TOMM34: variants seen among roughly 807,000 people sequenced by gnomAD.
The protein encoded by TOMM34 is translocase of outer mitochondrial membrane 34.
TOMM34 carries 24 observed loss-of-function variants against 37.4 expected under a neutral mutation model. The observed-to-expected ratio is 0.64, with a 90% CI of 0.46 to 0.90. The LOEUF (loss-of-function observed/expected upper bound fraction) is 0.90, where lower values mean the gene tolerates loss of function less well. Among genes scored for constraint, TOMM34 ranks in the 40% least tolerant of loss-of-function variants. The pLI is 0.00. For synonymous variants in TOMM34, 154 were observed against 148.9 expected (o/e 1.03, Z -0.25); for missense variants, 304 against 375.6 (o/e 0.81, Z 1.58).
chr20:44,957,679 G>A (rs756228478), intron 1 of TOMM34, among the ~76,000 whole-genome samples: 4 of 152,054 alleles, frequency 2.6e-5, no homozygotes, highest in Non-Finnish European at 5.9e-5. Flanking sequence ...GTCTCCCTCT[G>A]TTGCCCAGGC....
intron 1 of TOMM34, among the ~76,000 whole-genome samples, chr20:44,959,539 T>C (rs746321618): frequency 6.6e-6 from 1 of 152,162 alleles, no homozygotes; most frequent in African/African-American, 2.4e-5. Flanking sequence ...CCTTCCTAAC[T>C]GACCTCATGT....
At chr20:44,943,371 CT>C in intron 6 of TOMM34, 81 bp downstream of exon 6, 1 of 1,603,950 alleles carries the variant, frequency 6.2e-7, no homozygotes, top group Non-Finnish European at 8.5e-7. Context: ...ATTGTCTCAG[CT>C]TGGCTACACC....
intron 1 of TOMM34, among the ~76,000 whole-genome samples, chr20:44,957,193 C>G (rs149264064): frequency 6.6e-6 from 1 of 152,136 alleles, no homozygotes; most frequent in Non-Finnish European, 1.5e-5. Context: ...TCTTTATTTA[C>G]GTATTTTTTT....
intron 5 of TOMM34, among the ~76,000 whole-genome samples, chr20:44,945,755 C>T (rs570043238): frequency 6.6e-6 from 1 of 152,220 alleles, no homozygotes; most frequent in Non-Finnish European, 1.5e-5. Context: ...GAGAACTGCC[C>T]TTCCCTAATT....
In TOMM34 at chr20:44,943,124, C is replaced by T; in HGVS notation, c.915G>A (p.Lys305=). 2 of 1,614,146 alleles carry T rather than the reference C, an allele frequency of 1.2e-6. No homozygotes were observed. The highest frequency in any genetic ancestry group is 1.7e-5 in the Admixed American group (1 of 60,034). ...TGTTGGGTTTTTAGTGTAGGTTCTG[C>T]TTCACTTCCTGCCGCAACTTCTGTG... is the stretch of plus-strand genomic sequence containing the variant. ...GPAQKLRQEV[K]QNLH is the part of the protein sequence containing the mutation. The change falls in exon 7 of 7, where the codon AAG becomes AAA. Residue 305 remains lysine, a synonymous_variant. Transcript: ENST00000372813.
chr20:44,949,613 A>G (rs1568660838), intron 4 of TOMM34, among the ~76,000 whole-genome samples: 1 of 152,216 alleles, frequency 6.6e-6, no homozygotes, highest in Non-Finnish European at 1.5e-5. Context: ...TCTGCTTTTC[A>G]AAAATTTTTA....
In TOMM34 at chr20:44,959,942, A is replaced by G. The variant is rs562157106; in HGVS notation, c.127+265T>C. The G allele has an allele frequency of 1.1e-4, 105 of 985,466 alleles. No homozygotes were observed. In the African/African-American group the frequency reaches 1.7e-3, roughly 16 times the overall value. 61.0% of individuals were successfully genotyped at this position (985,466 alleles called of 1,614,324 possible). A position where few individuals can be genotyped will look rare whatever the true frequency, so the allele number is the denominator to read the frequency against. ...CTACTCAACAAATACTAACTGAAAA[A>G]TGAATTGCTGCGGGGGAGGAGGGTT... On this transcript the variant is annotated intron_variant, in intron 1 of 6. Coordinates refer to ENST00000372813, the MANE Select transcript of TOMM34 (RefSeq NM_006809.5).
At chr20:44,955,689 C>A in intron 2 of TOMM34, 1 of 455,784 alleles carries the variant, frequency 2.2e-6, no homozygotes, top group South Asian at 1.6e-5. Context: ...AACCGTACCC[C>A]ACAGATTGGT....
chr20:44,957,194 G>A (rs746738618), intron 1 of TOMM34, among the ~76,000 whole-genome samples: 4 of 152,094 alleles, frequency 2.6e-5, no homozygotes, highest in South Asian at 2.1e-4. Context: ...CTTTATTTAC[G>A]TATTTTTTTT....
intron 4 of TOMM34, among the ~76,000 whole-genome samples, chr20:44,950,171 C>T (rs1278896830): frequency 2.0e-5 from 3 of 152,226 alleles, no homozygotes; most frequent in Non-Finnish European, 4.4e-5. Flanking sequence ...CCCTGCAACA[C>T]ACCACTCTGC....
In TOMM34 at chr20:44,943,058, T is replaced by C; in HGVS notation, c.*51A>G. The C allele has an allele frequency of 6.3e-7, 1 of 1,592,092 alleles. No individual in the cohort carries two copies. Among genetic ancestry groups the C allele is most frequent in the South Asian group, 1.1e-5 (1 of 90,530 alleles). Reference sequence around the variant, plus strand: ...GAGCGGGCACAGAGCAGGTGGCCCATGGCTTCTCTGGGTAAGGTCAGGCAG... The same window carrying C: ...GAGCGGGCACAGAGCAGGTGGCCCACGGCTTCTCTGGGTAAGGTCAGGCAG... On this transcript the variant is annotated 3_prime_UTR_variant, in exon 7 of 7. Transcript: ENST00000372813.
At position 44,953,674 on chromosome 20, in the gene TOMM34, C is replaced by CT. The variant is rs553105054; in HGVS notation, c.380+1393dup. Among the ~76,000 whole-genome samples the CT allele has an allele frequency of 1.2e-4, 18 of 152,296 alleles. No homozygotes were observed. In the South Asian group the frequency reaches 3.5e-3, roughly 30 times the overall value. ...TCACCTCCGACTGAATGTCAATAAT[C>CT]TGAGTGTCTTCTTCTATTCCTCCCT... On this transcript the variant is annotated intron_variant, in intron 3 of 6. Coordinates refer to ENST00000372813, the MANE Select transcript of TOMM34 (RefSeq NM_006809.5).
chr20:44,952,142 C>T (rs2067032353), intron 3 of TOMM34, 140 bp from the exon 4 acceptor site: 1 of 930,640 alleles, frequency 1.1e-6, no homozygotes. Flanking sequence ...ACCTCTTTAG[C>T]TCCTCCAACA....
chr20:44,950,685 G>C (rs1296074001), intron 4 of TOMM34, among the ~76,000 whole-genome samples: 1 of 152,216 alleles, frequency 6.6e-6, no homozygotes, highest in Non-Finnish European at 1.5e-5. Context: ...AGAGAAGAGT[G>C]GGGAACACTT....
intron 1 of TOMM34, among the ~76,000 whole-genome samples, chr20:44,957,823 T>C (rs2067087141): frequency 6.6e-6 from 1 of 152,086 alleles, no homozygotes; most frequent in Admixed American, 6.6e-5. Context: ...TTAAAGTTTT[T>C]GTAGAGACAG....
intron 1 of TOMM34, 94 bp downstream of exon 1, chr20:44,960,113 C>A (rs1441451278): frequency 5.4e-5 from 34 of 631,934 alleles, no homozygotes; most frequent in Non-Finnish European, 7.8e-5. Context: ...GTGGGAGGGC[C>A]GGGCAGGACT....
intron 2 of TOMM34, chr20:44,955,555 A>T (rs2067064877): frequency 6.3e-6 from 3 of 473,984 alleles, no homozygotes; most frequent in South Asian, 4.6e-5. Flanking sequence ...GGGAATAACA[A>T]ACAAGCTTTG....
chr20:44,945,213 TATC>T (rs1168015048), intron 5 of TOMM34, among the ~76,000 whole-genome samples: 1 of 152,208 alleles, frequency 6.6e-6, no homozygotes. Context: ...TTTTCTGACT[TATC>T]ATGAATTTAA....
In TOMM34 at chr20:44,955,205, A is replaced by T; in HGVS notation, c.243T>A (p.Val81=). 1 of 1,614,056 alleles carries T rather than the reference A, an allele frequency of 6.2e-7. No homozygotes were observed. The highest frequency in any genetic ancestry group is 1.1e-5 in the South Asian group (1 of 91,088). ...IKDCTSALAL[V]PFSIKPLLRR... is the part of the protein sequence containing the mutation. ...GCAGCAGGGGCTTAATGCTGAAGGG[A>T]ACCAAGGCCAGTGCTCTAGAATAGG... The change falls in exon 3 of 7, where the codon GTT becomes GTA. Residue 81 remains valine, a synonymous_variant. Coordinates refer to ENST00000372813, the MANE Select transcript of TOMM34 (RefSeq NM_006809.5).
Sources: allele counts gnomAD v4.1 joint callset (sites outside exome capture counted in the v4.1 genomes callset), GRCh38; gene constraint gnomAD v4.1.1; transcripts MANE v1.5; gene names NCBI Gene and HGNC (gene_info 2026-07-23, HGNC 2026-07-21).